The following SLC6A15 variants were observed in gnomAD, a reference collection of about 807,000 sequenced individuals.
SLC6A15 encodes the protein solute carrier family 6 member 15.
A neutral mutation model predicts 68.5 loss-of-function variants in SLC6A15; 33 were observed. That is an observed-to-expected ratio of 0.48 (90% CI 0.37 to 0.64). The LOEUF is 0.64. Among genes scored for constraint, SLC6A15 ranks in the 30% least tolerant of loss-of-function variants. SLC6A15 has a pLI of 0.00. For synonymous variants in SLC6A15, 347 were observed against 301.0 expected (o/e 1.15, Z -1.58); for missense variants, 747 against 874.3 (o/e 0.85, Z 1.84).
In SLC6A15 at chr12:84,892,107, C is replaced by T. The variant is rs756321276; in HGVS notation, c.14G>A (p.Ser5Asn). The change falls in exon 2 of 12, where the codon AGC becomes AAC. Residue 5 changes from serine to asparagine, a missense_variant. Ser to Asn is a conservative substitution (Grantham distance 46, BLOSUM62 1). Transcript: ENST00000266682. MPKN[S>N]KVVKRELDDD... ...ATCTAATTCTCTTTTTACCACCTTG[C>T]TATTTTTGGGCATTGGAGAGTATGC... The T allele has an allele frequency of 4.4e-6, 7 of 1,602,538 alleles. No homozygotes were observed. In the African/African-American group the frequency reaches 6.9e-5, roughly 16 times the overall value.
intron 10 of SLC6A15, among the ~76,000 whole-genome samples, chr12:84,865,864 T>C (rs577634917): frequency 2.0e-5 from 3 of 152,306 alleles, no homozygotes; most frequent in African/African-American, 7.2e-5. Context: ...GCCTCCAAGT[T>C]TGGGCAATTA....
intron 1 of SLC6A15, among the ~76,000 whole-genome samples, chr12:84,904,149 C>T (rs76651946): frequency 6.8e-6 from 1 of 147,876 alleles, no homozygotes; most frequent in African/African-American, 2.5e-5. Flanking sequence ...CCATGTAAAA[C>T]GTCTGCTTCT....
At position 84,861,922 on chromosome 12, in the gene SLC6A15, C is replaced by A. The variant is rs1357911610; in HGVS notation, c.1903G>T (p.Val635Leu). 4 of 1,613,944 alleles carry A rather than the reference C, an allele frequency of 2.5e-6. No homozygotes were observed. The highest frequency in any genetic ancestry group is 3.4e-6 in the Non-Finnish European group (4 of 1,179,898). The change falls in exon 12 of 12, where the codon GTA (valine) becomes TTA (leucine). Residue 635 changes from valine to leucine, a missense_variant. By Grantham distance (32) the Val-to-Leu change is conservative. Transcript: ENST00000266682. ...LVVFAILPVP[V>L]VFIVRRFNLI... ...TTGAAGCGACGAACAATGAAAACTACAGGGACTGGGAGTATTGCAAAGACA... is the reference window on the plus strand; with the variant it reads ...TTGAAGCGACGAACAATGAAAACTAAAGGGACTGGGAGTATTGCAAAGACA...
At chr12:84,907,913 T>C (rs143168430) in intron 1 of SLC6A15, among the ~76,000 whole-genome samples, 23 of 152,230 alleles carry the variant, frequency 1.5e-4, no homozygotes, top group Non-Finnish European at 2.6e-4. Context: ...TTATGCTGAG[T>C]GAAAAAACAT....
At chr12:84,875,266 AGT>A (rs1871467582) in intron 6 of SLC6A15, among the ~76,000 whole-genome samples, 3 of 151,914 alleles carry the variant, frequency 2.0e-5, no homozygotes, top group Non-Finnish European at 2.9e-5. Flanking sequence ...TTTAAATTAT[AGT>A]GTGGCTGAAA....
chr12:84,868,586 T>C (rs1467487354), intron 9 of SLC6A15, among the ~76,000 whole-genome samples: 1 of 152,184 alleles, frequency 6.6e-6, no homozygotes, highest in African/African-American at 2.4e-5. Flanking sequence ...GGGAAAAAGA[T>C]AATGAGTAAT....
At chr12:84,879,735 C>T (rs1272668871) in intron 5 of SLC6A15, among the ~76,000 whole-genome samples, 2 of 149,156 alleles carry the variant, frequency 1.3e-5, no homozygotes, top group Non-Finnish European at 3.0e-5. Flanking sequence ...ACATATTGCA[C>T]ATTAAGATAA....
At chr12:84,862,553 A>ATAGT (rs537699885) in intron 11 of SLC6A15, among the ~76,000 whole-genome samples, 109 of 152,290 alleles carry the variant, frequency 7.2e-4, no homozygotes, top group African/African-American at 2.5e-3. Flanking sequence ...TAACCATAGG[A>ATAGT]TAGTTAAAGG....
intron 10 of SLC6A15, among the ~76,000 whole-genome samples, chr12:84,865,360 T>C (rs1171783096): frequency 6.6e-6 from 1 of 152,182 alleles, no homozygotes; most frequent in Non-Finnish European, 1.5e-5. Context: ...AGATTTCCCA[T>C]ATAGCTCCTA....
intron 5 of SLC6A15, chr12:84,883,478 C>T: frequency 8.4e-7 from 1 of 1,197,004 alleles, no homozygotes; most frequent in African/African-American, 1.6e-5. Context: ...ATCAAACAAA[C>T]AAAATGAATG....
rs1049142862 is a variant in SLC6A15, at chr12:84,872,738, A to C, written c.1166T>G (p.Ile389Ser). 6.2e-7 allele frequency: 1 copy of C among 1,612,476 alleles called. No individual in the cohort carries two copies. The highest frequency in any genetic ancestry group is 1.3e-5 in the African/African-American group (1 of 74,884). ...LKMGNISQDI[I>S]PHHINLSTVT... ...AGTTGAAAGGTTGATATGATGGGGAATAATATCCTGACTAATGTTCCCCAT... is the reference window on the plus strand; with the variant it reads ...AGTTGAAAGGTTGATATGATGGGGACTAATATCCTGACTAATGTTCCCCAT... Residue 389 changes from isoleucine (I) to serine (S), a missense_variant, in exon 8 of 12, where the codon ATT becomes AGT. Ile to Ser is a moderately radical substitution (Grantham distance 142, BLOSUM62 -2). Transcript: ENST00000266682.
intron 9 of SLC6A15, 182 bp from the exon 10 acceptor site, chr12:84,867,375 C>A: frequency 2.7e-6 from 1 of 374,500 alleles, no homozygotes; most frequent in Non-Finnish European, 4.7e-6. Context: ...CTGGGTGTAG[C>A]CTCAACATTC....
chr12:84,901,737 T>A (rs1872892478), intron 1 of SLC6A15, among the ~76,000 whole-genome samples: 1 of 151,880 alleles, frequency 6.6e-6, no homozygotes, highest in Non-Finnish European at 1.5e-5. Flanking sequence ...TGGCTAATTT[T>A]TGGCATTTGT....
intron 4 of SLC6A15, among the ~76,000 whole-genome samples, chr12:84,884,467 A>G (rs1402226440): frequency 1.3e-5 from 2 of 151,632 alleles, no homozygotes; most frequent in Non-Finnish European, 2.9e-5. Context: ...CACCAAACCG[A>G]GCTAATTTTT....
In SLC6A15 at chr12:84,865,443, A is replaced by G. The variant is rs545273107; in HGVS notation, c.1655+1591T>C. On this transcript the variant is annotated intron_variant, in intron 10 of 11. Transcript: ENST00000266682. ...GTGGAATGTTGGTTACAATTGATGA[A>G]CCTACATAAGTTAACACATCATTAT... Among the ~76,000 whole-genome samples the G allele has an allele frequency of 2.6e-5, 4 of 152,322 alleles. No individual in the cohort carries two copies. In the South Asian group the frequency reaches 6.2e-4, roughly 24 times the overall value.
intron 10 of SLC6A15, among the ~76,000 whole-genome samples, chr12:84,865,055 A>T (rs1402971849): frequency 1.3e-5 from 2 of 152,210 alleles, no homozygotes. Context: ...GGAAATCTAA[A>T]TTACAAATGT....
intron 4 of SLC6A15, among the ~76,000 whole-genome samples, chr12:84,884,715 T>C (rs187241099): frequency 8.5e-4 from 130 of 152,290 alleles, no homozygotes; most frequent in African/African-American, 3.0e-3. Context: ...GCTGGCCACA[T>C]GTTGCTTTAG....
chr12:84,870,060 G>T (rs988437184), intron 9 of SLC6A15, among the ~76,000 whole-genome samples: 2 of 151,620 alleles, frequency 1.3e-5, no homozygotes, highest in Non-Finnish European at 2.9e-5. Context: ...TATGAGAACG[G>T]GATTTAGGTT....
chr12:84,878,466 C>CT (rs1871661894), intron 5 of SLC6A15, among the ~76,000 whole-genome samples: 1 of 151,982 alleles, frequency 6.6e-6, no homozygotes. Context: ...CATGGATTCA[C>CT]TTTTGAACAA....
Sources: allele counts gnomAD v4.1 joint callset (sites outside exome capture counted in the v4.1 genomes callset), GRCh38; gene constraint gnomAD v4.1.1; transcripts MANE v1.5; gene names NCBI Gene and HGNC (gene_info 2026-07-23, HGNC 2026-07-21).